Variants in ASCC3 observed in about 807,000 individuals in gnomAD.
ASCC3 encodes the protein activating signal cointegrator 1 complex subunit 3.
In ASCC3, 158 loss-of-function variants were observed where a neutral mutation model predicts 256.3. That is an observed-to-expected ratio of 0.62 (90% CI 0.54 to 0.70). The LOEUF is 0.70. Ranked by LOEUF, ASCC3 falls within the 30% of genes least tolerant of loss-of-function variation. The pLI is 0.00. For missense variants in ASCC3, 2,259 were observed against 2,626.0 expected (o/e 0.86, Z 3.05); for synonymous variants, 948 against 883.4 (o/e 1.07, Z -1.30).
chr6:100,597,845 G>C (rs1772383545), intron 34 of ASCC3, among the ~76,000 whole-genome samples: 1 of 127,434 alleles, frequency 7.8e-6, no homozygotes, highest in Admixed American at 8.1e-5. Context: ...ATGGTGGAAG[G>C]TGCCTGTAGT....
Position 100,734,335 on chromosome 6 carries a change from C to T in ASCC3, c.1738-8632G>A, listed in dbSNP as rs541955948. The stretch of plus-strand genomic sequence containing the variant: ...TTATTAAAATGAGTTTTTGATACGA[C>T]ATAAATATCAGATATTTCAACAATA... On this transcript the variant is annotated intron_variant, in intron 10 of 41. Transcript: ENST00000369162. Among the ~76,000 whole-genome samples the T allele has an allele frequency of 1.5e-3, 228 of 152,214 alleles. 2 individuals are homozygous for T. Among genetic ancestry groups the T allele is most frequent in the Non-Finnish European group, 2.5e-3 (173 of 68,006 alleles).
chr6:100,598,967 C>T (rs1772453498), intron 34 of ASCC3, among the ~76,000 whole-genome samples: 1 of 151,962 alleles, frequency 6.6e-6, no homozygotes, highest in South Asian at 2.1e-4. Flanking sequence ...GGTTTTAAGT[C>T]AAGGTAAACA....
intron 8 of ASCC3, among the ~76,000 whole-genome samples, 153 bp from the exon 9 acceptor site, chr6:100,767,498 A>C (rs1386705827): frequency 1.3e-5 from 2 of 152,262 alleles, no homozygotes; most frequent in Non-Finnish European, 2.9e-5. Flanking sequence ...AGGTATATGC[A>C]GTTGAGAATA....
intron 13 of ASCC3, among the ~76,000 whole-genome samples, chr6:100,688,375 A>G (rs1777684378): frequency 6.6e-6 from 1 of 152,184 alleles, no homozygotes; most frequent in South Asian, 2.1e-4. Flanking sequence ...TAAATATTTG[A>G]GATAGATCTT....
intron 14 of ASCC3, among the ~76,000 whole-genome samples, chr6:100,668,337 A>G (rs1776583947): frequency 6.6e-6 from 1 of 152,112 alleles, no homozygotes; most frequent in African/African-American, 2.4e-5. Flanking sequence ...AGAAAAGAGC[A>G]CTTTGTAAAA....
At chr6:100,709,987 A>G (rs951566570) in intron 13 of ASCC3, among the ~76,000 whole-genome samples, 1 of 152,212 alleles carries the variant, frequency 6.6e-6, no homozygotes, top group African/African-American at 2.4e-5. Flanking sequence ...ATCACTAATC[A>G]TTCAAAAACA....
chr6:100,680,810 A>ACTG (rs556037419), intron 13 of ASCC3, among the ~76,000 whole-genome samples: 1 of 151,116 alleles, frequency 6.6e-6, no homozygotes, highest in Non-Finnish European at 1.5e-5. Flanking sequence ...TCTCCCCTAT[A>ACTG]CTCCTCTGTT....
chr6:100,819,489 A>C (rs2114416776), intron 4 of ASCC3, among the ~76,000 whole-genome samples: 1 of 152,286 alleles, frequency 6.6e-6, no homozygotes, highest in South Asian at 2.1e-4. Context: ...GAGAGCAAGG[A>C]AGCCAGTCCG....
intron 3 of ASCC3, among the ~76,000 whole-genome samples, chr6:100,854,800 A>T (rs1772859622): frequency 6.6e-6 from 1 of 152,190 alleles, no homozygotes; most frequent in Non-Finnish European, 1.5e-5. Flanking sequence ...TAATAAAACC[A>T]TCATTTTGAG....
chr6:100,523,205 A>C (rs908587903), intron 37 of ASCC3, among the ~76,000 whole-genome samples: 1 of 151,886 alleles, frequency 6.6e-6, no homozygotes, highest in Non-Finnish European at 1.5e-5. Flanking sequence ...TGGGCAAATC[A>C]CTTAACCACT....
At chr6:100,529,673 C>T (rs1476460692) in intron 37 of ASCC3, among the ~76,000 whole-genome samples, 1 of 152,122 alleles carries the variant, frequency 6.6e-6, no homozygotes, top group African/African-American at 2.4e-5. Context: ...AACAAATTCT[C>T]ACTAGATCAT....
chr6:100,532,396 ATATATATATATTTT>A (rs1774945813), intron 37 of ASCC3, among the ~76,000 whole-genome samples: 1 of 42,754 alleles, frequency 2.3e-5, no homozygotes, highest in South Asian at 1.3e-3. Flanking sequence ...ATATATATAT[ATATATATATATTTT>A]TTTTTTTTTT....
intron 36 of ASCC3, among the ~76,000 whole-genome samples, chr6:100,544,283 G>A (rs1775600848): frequency 6.6e-6 from 1 of 151,874 alleles, no homozygotes; most frequent in Admixed American, 6.6e-5. Flanking sequence ...AGGAAATTAA[G>A]TCCAAATAAG....
chr6:100,681,267 C>CA (rs940255277), intron 13 of ASCC3, among the ~76,000 whole-genome samples: 6 of 151,914 alleles, frequency 3.9e-5, no homozygotes, highest in Admixed American at 6.5e-5. Context: ...CAAAGCAAAA[C>CA]AAAAAAACCC....
rs141337422 is a variant in ASCC3, at chr6:100,784,679, G to T, written c.1395+14034C>A. On this transcript the variant is annotated intron_variant, in intron 8 of 41. Coordinates refer to ENST00000369162, the MANE Select transcript of ASCC3 (RefSeq NM_006828.4). ...ACATTCTGGAAAGATATATATCAAA[G>T]AATTCTGCTAAAGTTGGGACTATAA... is the stretch of plus-strand genomic sequence containing the variant. Among the ~76,000 whole-genome samples the T allele has an allele frequency of 1.5e-3, 223 of 151,892 alleles. 1 individual carries two copies. Among genetic ancestry groups the T allele is most frequent in the African/African-American group, 5.2e-3 (217 of 41,498 alleles).
chr6:100,720,036 T>C (rs1377635054), intron 11 of ASCC3, among the ~76,000 whole-genome samples: 1 of 152,012 alleles, frequency 6.6e-6, no homozygotes, highest in East Asian at 1.9e-4. Context: ...GGAAGGCACT[T>C]CTACATTAGT....
chr6:100,562,885 C>G (rs1410627716), intron 36 of ASCC3, among the ~76,000 whole-genome samples: 1 of 152,048 alleles, frequency 6.6e-6, no homozygotes, highest in East Asian at 1.9e-4. Flanking sequence ...GCCCAACTTA[C>G]AGTGTTCTCA....
chr6:100,860,625 C>A (rs547158637), intron 3 of ASCC3, among the ~76,000 whole-genome samples: 9 of 152,108 alleles, frequency 5.9e-5, no homozygotes, highest in Admixed American at 5.9e-4. Flanking sequence ...TGCTCTGATT[C>A]CTGTAATACC....
Position 100,715,437 on chromosome 6 carries a change from G to GTAAAAGCAGATAAAAT in ASCC3, c.2151+9_2151+24dup, listed in dbSNP as rs755857340. 4.4e-6 allele frequency: 7 copies of GTAAAAGCAGATAAAAT among 1,582,832 alleles called. No individual in the cohort carries two copies. In the Admixed American group the frequency reaches 1.0e-4, roughly 23 times the overall value. On this transcript the variant is annotated intron_variant, in intron 13 of 41. Transcript: ENST00000369162. Reference sequence around the variant, plus strand: ...ACTCTCTAAAAGCAGATAAATAAGTGTAAAAGCAGATAAAATAAGTGTACC... The same window carrying GTAAAAGCAGATAAAAT: ...ACTCTCTAAAAGCAGATAAATAAGTGTAAAAGCAGATAAAATTAAAAGCAGATAAAATAAGTGTACC...
Sources: allele counts gnomAD v4.1 joint callset (sites outside exome capture counted in the v4.1 genomes callset), GRCh38; gene constraint gnomAD v4.1.1; transcripts MANE v1.5; gene names NCBI Gene and HGNC (gene_info 2026-07-23, HGNC 2026-07-21).